The following PCDHA5 variants were observed in gnomAD, a reference collection of about 807,000 sequenced individuals.
PCDHA5 encodes the protein protocadherin alpha-5.
PCDHA5 carries 43 observed loss-of-function variants against 61.6 expected under a neutral mutation model. The observed-to-expected ratio is 0.70, with a 90% CI of 0.55 to 0.90. The LOEUF (loss-of-function observed/expected upper bound fraction) is 0.90. Ranked by LOEUF, PCDHA5 falls within the 40% of genes least tolerant of loss-of-function variation. PCDHA5 has a pLI of 0.00. For synonymous variants in PCDHA5, 627 were observed against 543.9 expected (o/e 1.15, Z -2.13); for missense variants, 1,298 against 1,222.7 (o/e 1.06, Z -0.92).
Position 140,881,345 on chromosome 5 carries a change from T to A in PCDHA5, c.2352+57218T>A, listed in dbSNP as rs2058675594. The A allele has an allele frequency of 4.1e-6, 4 of 985,136 alleles. No individual in the cohort carries two copies. In the African/African-American group the frequency reaches 7.0e-5, roughly 17 times the overall value. The allele number at this position is 985,136 out of a possible 1,614,324, so 61.0% of individuals were successfully genotyped here. A position where few individuals can be genotyped will look rare whatever the true frequency, so the allele number is the denominator to read the frequency against. On this transcript the variant is annotated intron_variant, in intron 1 of 3. Transcript: ENST00000529859. ...ATTTAACCAGGACGCCGATTCGGGC[T>A]ACAATGCGTGGCTTTCGTATGAATT... is the stretch of plus-strand genomic sequence containing the variant.
chr5:140,857,341 G>T (rs782659858), intron 1 of PCDHA5: 1 of 1,598,438 alleles, frequency 6.3e-7, no homozygotes, highest in South Asian at 1.1e-5. Flanking sequence ...ACGGGGGCTC[G>T]CCTCCGCTGT....
intron 1 of PCDHA5, among the ~76,000 whole-genome samples, chr5:140,955,964 A>G (rs148345661): frequency 5.3e-5 from 8 of 152,256 alleles, no homozygotes; most frequent in African/African-American, 1.7e-4. Flanking sequence ...TTGTTTGTGC[A>G]TAGGAATGCT....
chr5:140,849,017 C>G, intron 1 of PCDHA5: 1 of 1,588,278 alleles, frequency 6.3e-7, no homozygotes, highest in Non-Finnish European at 8.6e-7. Context: ...GACTGAGCCC[C>G]AATGAGTATT....
At chr5:140,892,850 A>G (rs2063700618) in intron 1 of PCDHA5, among the ~76,000 whole-genome samples, 1 of 152,104 alleles carries the variant, frequency 6.6e-6, no homozygotes, top group Non-Finnish European at 1.5e-5. Flanking sequence ...ACCACAACCC[A>G]TTCCTCCTGT....
intron 1 of PCDHA5, among the ~76,000 whole-genome samples, chr5:140,947,889 A>G (rs1275614644): frequency 1.3e-5 from 2 of 151,626 alleles, no homozygotes; most frequent in Non-Finnish European, 3.0e-5. Flanking sequence ...CAATATAAAC[A>G]GAAGTGGTGA....
At chr5:140,869,052 T>G in intron 1 of PCDHA5, 1 of 1,543,852 alleles carries the variant, frequency 6.5e-7, no homozygotes. Flanking sequence ...AACTGAAGAA[T>G]CTGGTACTGT....
chr5:140,883,946 G>T (rs139225969), intron 1 of PCDHA5: 2 of 1,613,274 alleles, frequency 1.2e-6, no homozygotes, highest in Non-Finnish European at 1.7e-6. Flanking sequence ...GGACGAGAAC[G>T]ACAACGCTCC....
intron 1 of PCDHA5, among the ~76,000 whole-genome samples, chr5:140,892,327 C>T (rs1399330185): frequency 6.6e-6 from 1 of 152,154 alleles, no homozygotes; most frequent in Non-Finnish European, 1.5e-5. Flanking sequence ...TTTCTTTCTC[C>T]AGAATGGATT....
chr5:140,856,210 G>A, intron 1 of PCDHA5: 1 of 1,598,116 alleles, frequency 6.3e-7, no homozygotes, highest in Non-Finnish European at 8.6e-7. Flanking sequence ...TGGGGCTGGA[G>A]CTGGCGGAGC....
At chr5:140,920,084 T>C (rs2079442648) in intron 1 of PCDHA5, among the ~76,000 whole-genome samples, 1 of 152,196 alleles carries the variant, frequency 6.6e-6, no homozygotes, top group Non-Finnish European at 1.5e-5. Context: ...AGATTCTCCG[T>C]AGAGCCTCTA....
At chr5:140,868,922 C>A in intron 1 of PCDHA5, 2 of 1,015,106 alleles carry the variant, frequency 2.0e-6, no homozygotes, top group Non-Finnish European at 2.8e-6. Flanking sequence ...GTGGAAAGTT[C>A]ATTTAAAGGT....
At chr5:140,920,565 G>A (rs1225212458) in intron 1 of PCDHA5, among the ~76,000 whole-genome samples, 27 of 152,152 alleles carry the variant, frequency 1.8e-4, no homozygotes, top group Admixed American at 1.6e-3. Context: ...TGGCCCTTAG[G>A]CCAGGAGCAG....
chr5:140,877,467 G>A (rs1554169776), intron 1 of PCDHA5: 1 of 1,613,750 alleles, frequency 6.2e-7, no homozygotes, highest in African/African-American at 1.3e-5. Flanking sequence ...CGGCCACGGT[G>A]CTGGTGTCGC....
chr5:140,835,741 C>T lies in PCDHA5; in HGVS notation c.2352+11614C>T, dbSNP rs2150243716. ...GTGGCCGACGTGAACGACAACGCCC[C>T]GGCGTTCGCGCAGCCCGAGTATACG... is the stretch of plus-strand genomic sequence containing the variant. On this transcript the variant is annotated intron_variant, in intron 1 of 3. Coordinates refer to ENST00000529859, the MANE Select transcript of PCDHA5 (RefSeq NM_018908.3). 4.3e-6 allele frequency: 7 copies of T among 1,613,704 alleles called. No homozygotes were observed. In the East Asian group the frequency reaches 6.7e-5, roughly 15 times the overall value.
In PCDHA5 at chr5:140,887,671, A is replaced by G. The variant is rs1417615702; in HGVS notation, c.2352+63544A>G. Among the ~76,000 whole-genome samples, 4 of 152,008 alleles carry G rather than the reference A, an allele frequency of 2.6e-5. No homozygotes were observed. In the East Asian group the frequency reaches 7.7e-4, roughly 29 times the overall value. The stretch of plus-strand genomic sequence containing the variant: ...ATATTCTTGGATCTGTGGATTTATC[A>G]TTTTCATCAAATTCAGGAAAAAATC... On this transcript the variant is annotated intron_variant, in intron 1 of 3. Transcript: ENST00000529859.
At chr5:140,941,259 T>TTCTTTCTTTCTTTCTTTC (rs2092988682) in intron 1 of PCDHA5, among the ~76,000 whole-genome samples, 1 of 121,734 alleles carries the variant, frequency 8.2e-6, no homozygotes, top group Non-Finnish European at 1.8e-5. Flanking sequence ...TTCTTTCTCT[T>TTCTTTCTTTCTTTCTTTC]TCTTTCTTTC....
chr5:140,897,937 C>T (rs1487544322), intron 1 of PCDHA5, among the ~76,000 whole-genome samples: 7 of 152,184 alleles, frequency 4.6e-5, no homozygotes, highest in African/African-American at 1.7e-4. Flanking sequence ...CTCTGATGGC[C>T]AGTGATGATT....
intron 1 of PCDHA5, chr5:140,883,589 G>A (rs782300348): frequency 1.9e-6 from 3 of 1,614,014 alleles, no homozygotes; most frequent in East Asian, 2.2e-5. Context: ...CACGGCCAGC[G>A]TGTCGGTGGG....
intron 1 of PCDHA5, chr5:140,927,650 TC>T (rs2084465821): frequency 6.2e-7 from 1 of 1,614,080 alleles, no homozygotes; most frequent in Admixed American, 1.7e-5. Flanking sequence ...ACTGTGTTAT[TC>T]CGAGTTCAAG....
Sources: allele counts gnomAD v4.1 joint callset (sites outside exome capture counted in the v4.1 genomes callset), GRCh38; gene constraint gnomAD v4.1.1; transcripts MANE v1.5; gene names NCBI Gene and HGNC (gene_info 2026-07-23, HGNC 2026-07-21).